The following BTBD9 variants were observed in gnomAD, a reference collection of about 807,000 sequenced individuals.
BTBD9 encodes the protein BTB domain containing 9.
Under a neutral mutation model 64.3 loss-of-function variants are expected in BTBD9, and 49 were observed. That is an observed-to-expected ratio of 0.76 (90% CI 0.61 to 0.97). The LOEUF (loss-of-function observed/expected upper bound fraction) is 0.97, where lower values mean the gene tolerates loss of function less well. Ranked by LOEUF, BTBD9 falls within the 50% of genes least tolerant of loss-of-function variation. BTBD9 has a pLI of 0.00. For missense variants in BTBD9, 598 were observed against 762.1 expected (o/e 0.78, Z 2.53); for synonymous variants, 260 against 274.7 (o/e 0.95, Z 0.53).
intron 6 of BTBD9, among the ~76,000 whole-genome samples, chr6:38,447,797 T>A (rs996981474): frequency 6.6e-6 from 1 of 152,214 alleles, no homozygotes; most frequent in Non-Finnish European, 1.5e-5. Context: ...GTTTATCATG[T>A]CAGAAAAACA....
chr6:38,326,310 G>T (rs535952906), intron 7 of BTBD9, among the ~76,000 whole-genome samples: 1 of 152,142 alleles, frequency 6.6e-6, no homozygotes, highest in Non-Finnish European at 1.5e-5. Context: ...ATGAGAATTG[G>T]TATAAAATGA....
At chr6:38,237,092 A>C (rs1378639932) in intron 9 of BTBD9, among the ~76,000 whole-genome samples, 4 of 152,226 alleles carry the variant, frequency 2.6e-5, no homozygotes, top group African/African-American at 7.2e-5. Context: ...TTTTGTCTTC[A>C]TAAATTGCAC....
intron 9 of BTBD9, among the ~76,000 whole-genome samples, chr6:38,209,611 G>T (rs1303506156): frequency 2.0e-5 from 3 of 152,046 alleles, no homozygotes; most frequent in Admixed American, 1.3e-4. Flanking sequence ...CAAAACCTCT[G>T]GGGGGGTGGG....
intron 1 of BTBD9, among the ~76,000 whole-genome samples, chr6:38,619,921 T>C (rs534967208): frequency 6.6e-6 from 1 of 152,312 alleles, no homozygotes; most frequent in South Asian, 2.1e-4. Context: ...GGAGCTATTA[T>C]CTATATGAAT....
At position 38,568,887 on chromosome 6, in the gene BTBD9, G is replaced by A. The variant is rs1199344128; in HGVS notation, c.1154+8713C>T. ...TCTTAAAGAAAGAAGTTTTAAAAGC[G>A]ACAGCTTTAACTAAAACCAAGTAAC... On this transcript the variant is annotated intron_variant, in intron 6 of 10. Transcript: ENST00000481247. Among the ~76,000 whole-genome samples the A allele has an allele frequency of 3.3e-5, 5 of 152,082 alleles. No individual in the cohort carries two copies. The East Asian group carries it at 5.8e-4, about 18-fold the overall frequency.
chr6:38,386,918 C>T (rs1201283722), intron 6 of BTBD9, among the ~76,000 whole-genome samples: 1 of 152,170 alleles, frequency 6.6e-6, no homozygotes, highest in Non-Finnish European at 1.5e-5. Context: ...GCTGGGATTA[C>T]AGGCATCAGC....
intron 2 of BTBD9, among the ~76,000 whole-genome samples, chr6:38,596,756 G>A (rs1777047601): frequency 6.7e-6 from 1 of 149,654 alleles, no homozygotes. Flanking sequence ...AGCCGAGATC[G>A]CGCCACTGCA....
intron 6 of BTBD9, among the ~76,000 whole-genome samples, chr6:38,460,401 A>C (rs991251212): frequency 6.6e-6 from 1 of 152,218 alleles, no homozygotes. Flanking sequence ...TAGTAACAAC[A>C]TTAGTCTGAA....
intron 1 of BTBD9, among the ~76,000 whole-genome samples, chr6:38,603,739 T>C (rs1029207431): frequency 6.6e-6 from 1 of 152,214 alleles, no homozygotes; most frequent in Non-Finnish European, 1.5e-5. Context: ...CCAGGTGTAT[T>C]TCCTGACTGA....
rs759429773 is a variant in BTBD9, at chr6:38,192,527, C to A, written c.1633G>T (p.Ala545Ser). Residue 545 changes from alanine to serine, a missense_variant, in exon 10 of 11, where the codon GCA (alanine) becomes TCA (serine). Physicochemically the swap from Ala to Ser is moderately conservative, Grantham distance 99. Coordinates refer to ENST00000481247, the MANE Select transcript of BTBD9 (RefSeq NM_001099272.2). ...TGAAAAGAGACCCTTACCTCATTTG[C>A]TGTGTTGTGTGTCCCAACGATACGG... ...FIRIVGTHNT[A>S]NEVFHCVHFE... is the part of the protein sequence containing the mutation. The A allele has an allele frequency of 4.3e-6, 7 of 1,613,592 alleles. No homozygotes were observed. The highest frequency in any genetic ancestry group is 5.9e-6 in the Non-Finnish European group (7 of 1,179,672).
chr6:38,572,469 G>C (rs1775814691), intron 6 of BTBD9, among the ~76,000 whole-genome samples: 2 of 152,066 alleles, frequency 1.3e-5, no homozygotes, highest in South Asian at 4.1e-4. Flanking sequence ...GATGCTCTAT[G>C]ATACCCTTTC....
At chr6:38,585,011 T>C (rs567630910) in intron 4 of BTBD9, among the ~76,000 whole-genome samples, 5 of 151,898 alleles carry the variant, frequency 3.3e-5, no homozygotes, top group Non-Finnish European at 7.4e-5. Context: ...TTAGGCAAGT[T>C]ACATAGATCA....
intron 6 of BTBD9, chr6:38,403,020 C>T (rs565178662): frequency 6.1e-6 from 2 of 328,538 alleles, no homozygotes; most frequent in Admixed American, 4.5e-5. Context: ...CTGCAGTGAG[C>T]TATCATTGCA....
chr6:38,515,026 T>C lies in BTBD9; in HGVS notation c.1154+62574A>G, dbSNP rs77798590. On this transcript the variant is annotated intron_variant, in intron 6 of 10. Coordinates refer to ENST00000481247, the MANE Select transcript of BTBD9 (RefSeq NM_001099272.2). The stretch of plus-strand genomic sequence containing the variant: ...ATATAATTTTTAGTAGACCTACTTA[T>C]GTGGATATAATTTAATTCTAAAGTA... Among the ~76,000 whole-genome samples, 182 of 152,350 alleles carry C rather than the reference T, an allele frequency of 1.2e-3. 4 individuals are homozygous for C. In the East Asian group the frequency reaches 0.017, roughly 14 times the overall value.
chr6:38,294,919 G>C (rs888077084), intron 7 of BTBD9, among the ~76,000 whole-genome samples: 1 of 151,220 alleles, frequency 6.6e-6, no homozygotes, highest in Non-Finnish European at 1.5e-5. Context: ...TGTGAAATGG[G>C]ATCTCAGTGT....
At chr6:38,395,899 T>C (rs915807400) in intron 6 of BTBD9, among the ~76,000 whole-genome samples, 9 of 152,054 alleles carry the variant, frequency 5.9e-5, no homozygotes, top group Non-Finnish European at 1.3e-4. Context: ...TTAGTAGAGA[T>C]GGGGTTTCAC....
At chr6:38,190,346 A>G (rs1762008258) in intron 10 of BTBD9, among the ~76,000 whole-genome samples, 1 of 151,682 alleles carries the variant, frequency 6.6e-6, no homozygotes. Context: ...GCAGGCACCT[A>G]TAATCCCAGC....
At chr6:38,393,937 A>G (rs1766547931) in intron 6 of BTBD9, among the ~76,000 whole-genome samples, 1 of 152,230 alleles carries the variant, frequency 6.6e-6, no homozygotes, top group South Asian at 2.1e-4. Context: ...ACTATGTAAT[A>G]TCCTGGGGAT....
intron 9 of BTBD9, among the ~76,000 whole-genome samples, chr6:38,207,956 A>G (rs1298174168): frequency 6.6e-6 from 1 of 152,152 alleles, no homozygotes; most frequent in Non-Finnish European, 1.5e-5. Flanking sequence ...TTCACTCTCA[A>G]AACTGTCCAT....
Sources: gnomAD v4.1 joint callset for allele counts (sites outside exome capture counted in the v4.1 genomes callset) on GRCh38, gnomAD v4.1.1 for gene constraint, MANE v1.5 for transcripts, NCBI Gene and HGNC (gene_info 2026-07-23, HGNC 2026-07-21) for gene names.